CCDC148: variants seen among roughly 807,000 people sequenced by gnomAD.
CCDC148 encodes the protein coiled-coil domain containing 148, also known as coiled-coil domain-containing protein 148.
A neutral mutation model predicts 85.7 loss-of-function variants in CCDC148; 89 were observed. That is an observed-to-expected ratio of 1.04 (90% confidence interval 0.87 to 1.24). CCDC148 has a LOEUF of 1.24. Among genes scored for constraint, CCDC148 ranks in the 50% most tolerant of loss-of-function variants. CCDC148 has a pLI of 0.00. For missense variants in CCDC148, 692 were observed against 671.7 expected (o/e 1.03, Z -0.33); for synonymous variants, 230 against 213.9 (o/e 1.08, Z -0.66).
chr2:158,335,298 G>A (rs1051611258), intron 7 of CCDC148, among the ~76,000 whole-genome samples: 21 of 152,158 alleles, frequency 1.4e-4, no homozygotes, highest in African/African-American at 4.6e-4. Context: ...GCTCAGGGTA[G>A]CCTATGCTAA....
At chr2:158,433,091 A>AAAAAAAAAAAAAAATATAT (rs1553521585) in intron 1 of CCDC148, among the ~76,000 whole-genome samples, 1 of 51,314 alleles carries the variant, frequency 1.9e-5, no homozygotes, top group African/African-American at 5.5e-5. Flanking sequence ...AAAAAAAAAA[A>AAAAAAAAAAAAAAATATAT]ATATATATAT....
intron 7 of CCDC148, among the ~76,000 whole-genome samples, chr2:158,316,450 T>C (rs1298680895): frequency 1.3e-5 from 2 of 152,212 alleles, no homozygotes; most frequent in Non-Finnish European, 2.9e-5. Context: ...AAGCATGCCA[T>C]GAACTGTCAC....
At chr2:158,414,646 C>G (rs1324630381) in intron 1 of CCDC148, among the ~76,000 whole-genome samples, 2 of 152,030 alleles carry the variant, frequency 1.3e-5, no homozygotes, top group Non-Finnish European at 2.9e-5. Flanking sequence ...CTCATTGAAT[C>G]CTTCCCACAA....
chr2:158,316,972 T>C (rs1035589599), intron 7 of CCDC148, among the ~76,000 whole-genome samples: 1 of 152,232 alleles, frequency 6.6e-6, no homozygotes, highest in African/African-American at 2.4e-5. Context: ...ATCTTTTTTG[T>C]ATAGAAAAAT....
chr2:158,399,562 G>A (rs765424335), intron 1 of CCDC148, among the ~76,000 whole-genome samples: 47 of 152,132 alleles, frequency 3.1e-4, no homozygotes, highest in East Asian at 1.9e-4. Flanking sequence ...AAAGGCATTC[G>A]ACAAAATTCA....
intron 9 of CCDC148, among the ~76,000 whole-genome samples, chr2:158,304,763 A>C (rs1446226967): frequency 6.6e-6 from 1 of 152,124 alleles, no homozygotes; most frequent in Non-Finnish European, 1.5e-5. Flanking sequence ...CAAGGCAATA[A>C]ATTAGCCTGA....
chr2:158,217,481 C>T (rs1574422090), intron 11 of CCDC148, among the ~76,000 whole-genome samples: 1 of 151,576 alleles, frequency 6.6e-6, no homozygotes, highest in South Asian at 2.1e-4. Flanking sequence ...CAGCTCACTG[C>T]AAGCTCCGCC....
intron 9 of CCDC148, among the ~76,000 whole-genome samples, chr2:158,303,988 A>T (rs1463685269): frequency 6.6e-6 from 1 of 152,160 alleles, no homozygotes; most frequent in Non-Finnish European, 1.5e-5. Flanking sequence ...TGTGTGAGAC[A>T]TCAACAAAAT....
chr2:158,378,141 C>A (rs1448368611), intron 1 of CCDC148, among the ~76,000 whole-genome samples: 1 of 151,952 alleles, frequency 6.6e-6, no homozygotes, highest in Admixed American at 6.6e-5. Flanking sequence ...AGGAAAAGTT[C>A]TTGAAAGAAA....
At chr2:158,328,932 A>C (rs538688897) in intron 7 of CCDC148, among the ~76,000 whole-genome samples, 1 of 151,996 alleles carries the variant, frequency 6.6e-6, no homozygotes, top group South Asian at 2.1e-4. Context: ...TCAGATGAGT[A>C]GAATGCAAAA....
intron 9 of CCDC148, among the ~76,000 whole-genome samples, chr2:158,283,603 A>G (rs1437121838): frequency 4.6e-5 from 7 of 152,188 alleles, no homozygotes; most frequent in Non-Finnish European, 7.3e-5. Context: ...TTAGAATGGC[A>G]ATCATTAAAA....
At position 158,187,165 on chromosome 2, in the gene CCDC148, T is replaced by C. The variant is rs553469547; in HGVS notation, c.1371-8169A>G. On this transcript the variant is annotated intron_variant, in intron 11 of 13. Transcript: ENST00000283233. ...AGAGCATTCATTTCCTCAATATGCT[T>C]TGCCGCTTCCAACCTTGTCAAAACT... Among the ~76,000 whole-genome samples, 23 of 152,064 alleles carry C rather than the reference T, an allele frequency of 1.5e-4. 1 individual carries two copies. In the South Asian group the frequency reaches 3.7e-3, roughly 25 times the overall value.
chr2:158,175,146 T>C (rs1406673138), intron 13 of CCDC148, among the ~76,000 whole-genome samples: 1 of 152,010 alleles, frequency 6.6e-6, no homozygotes, highest in Non-Finnish European at 1.5e-5. Flanking sequence ...CCTCTTCCGC[T>C]TGGTCAAACC....
chr2:158,227,995 G>T (rs1485763438), intron 10 of CCDC148, among the ~76,000 whole-genome samples: 1 of 152,120 alleles, frequency 6.6e-6, no homozygotes, highest in African/African-American at 2.4e-5. Context: ...CATAGCAAAA[G>T]AAACTATCAT....
intron 9 of CCDC148, chr2:158,288,736 C>T (rs555323414): frequency 1.2e-5 from 5 of 402,378 alleles, no homozygotes; most frequent in South Asian, 7.5e-5. Flanking sequence ...TCCAAAGTCA[C>T]TTCCACATTT....
At chr2:158,224,137 G>C (rs1056556972) in intron 10 of CCDC148, among the ~76,000 whole-genome samples, 6 of 152,214 alleles carry the variant, frequency 3.9e-5, no homozygotes, top group Non-Finnish European at 7.3e-5. Context: ...ACCTGATGGA[G>C]CTGAAAACCA....
chr2:158,435,343 A>C (rs1687593932), intron 1 of CCDC148, among the ~76,000 whole-genome samples: 1 of 152,238 alleles, frequency 6.6e-6, no homozygotes, highest in African/African-American at 2.4e-5. Context: ...AAAGAAAAGA[A>C]TTTTCAACCC....
Position 158,280,676 on chromosome 2 carries a change from C to T in CCDC148, c.1110+28757G>A, listed in dbSNP as rs191417247. 7.0e-3 allele frequency among the ~76,000 whole-genome samples: 1,059 copies of T among 152,182 alleles called. 6 individuals are homozygous for T. The highest frequency in any genetic ancestry group is 0.02 in the Admixed American group (305 of 15,278). On this transcript the variant is annotated intron_variant, in intron 9 of 13. Transcript: ENST00000283233. Reference sequence around the variant, plus strand: ...GACTTAGACTACCACACATTAATAACGGGAGACTTTAACACCCCACTGTCA... The same window carrying T: ...GACTTAGACTACCACACATTAATAATGGGAGACTTTAACACCCCACTGTCA...
At chr2:158,282,478 C>G (rs908400865) in intron 9 of CCDC148, among the ~76,000 whole-genome samples, 1 of 152,160 alleles carries the variant, frequency 6.6e-6, no homozygotes, top group African/African-American at 2.4e-5. Flanking sequence ...TTCCCATACA[C>G]CAATAACAGA....
Sources: allele counts gnomAD v4.1 joint callset (sites outside exome capture counted in the v4.1 genomes callset), GRCh38; gene constraint gnomAD v4.1.1; transcripts MANE v1.5; gene names NCBI Gene and HGNC (gene_info 2026-07-23, HGNC 2026-07-21).